KIF13B: variants seen among roughly 807,000 people sequenced by gnomAD.
KIF13B encodes the protein kinesin family member 13B.
In KIF13B, 127 loss-of-function variants were observed where a neutral mutation model predicts 222.0. The ratio of observed to expected loss-of-function variants is 0.57; its 90% CI spans 0.50 to 0.66. The LOEUF is 0.66. Ranked by LOEUF, KIF13B falls within the 30% of genes least tolerant of loss-of-function variation. The probability of loss-of-function intolerance (pLI) is 0.00; values close to 1 mark genes in which losing one functional copy is unlikely to be tolerated. For missense variants in KIF13B, 2,173 were observed against 2,379.0 expected (o/e 0.91, Z 1.80); for synonymous variants, 976 against 919.0 (o/e 1.06, Z -1.12).
intron 10 of KIF13B, 45 bp downstream of exon 10, chr8:29,176,023 C>A (rs762701495): frequency 1.7e-6 from 2 of 1,147,122 alleles, no homozygotes; most frequent in Non-Finnish European, 2.6e-6. Context: ...TTCCTTCTTG[C>A]CAACCACCAA....
chr8:29,087,115 T>C (rs935309307), intron 37 of KIF13B, among the ~76,000 whole-genome samples: 2 of 152,222 alleles, frequency 1.3e-5, no homozygotes, highest in Non-Finnish European at 2.9e-5. Context: ...AGGATGGCCC[T>C]GGCTGCAGGG....
chr8:29,187,598 T>C (rs924810040), intron 5 of KIF13B, among the ~76,000 whole-genome samples: 4 of 152,106 alleles, frequency 2.6e-5, no homozygotes, highest in Admixed American at 1.3e-4. Flanking sequence ...CACAGGAAAA[T>C]AGAAAGAAAA....
chr8:29,084,037 C>T (rs1292159279), intron 37 of KIF13B, among the ~76,000 whole-genome samples: 2 of 152,148 alleles, frequency 1.3e-5, no homozygotes, highest in Admixed American at 6.5e-5. Context: ...GCCTCACCCT[C>T]CCCAGTGGCT....
intron 23 of KIF13B, among the ~76,000 whole-genome samples, chr8:29,132,068 G>GA (rs1810368647): frequency 6.6e-6 from 1 of 152,112 alleles, no homozygotes; most frequent in Non-Finnish European, 1.5e-5. Context: ...CCAATATGGT[G>GA]AAACCTTGTC....
At position 29,109,514 on chromosome 8, in the gene KIF13B, G is replaced by A. The variant is rs762274161; in HGVS notation, c.4084-3C>T. Reference sequence around the variant, plus strand: ...AACTGTTCCTTCACTGCAACTTCCTGTGAATCAGAAAACATACAGAGGAAA... The same window carrying A: ...AACTGTTCCTTCACTGCAACTTCCTATGAATCAGAAAACATACAGAGGAAA... On this transcript the variant is annotated splice_polypyrimidine_tract_variant and splice_region_variant and intron_variant, in intron 33 of 39. Transcript: ENST00000524189. 9.3e-6 allele frequency: 15 copies of A among 1,612,520 alleles called. No homozygotes were observed. Among genetic ancestry groups the A allele is most frequent in the African/African-American group, 1.3e-5 (1 of 75,008 alleles).
At chr8:29,085,484 CT>C (rs1808001207) in intron 37 of KIF13B, among the ~76,000 whole-genome samples, 2 of 103,768 alleles carry the variant, frequency 1.9e-5, no homozygotes, top group South Asian at 2.9e-4. Context: ...CATAAACTTT[CT>C]GTTTTTATTT....
chr8:29,248,277 C>T lies in KIF13B; in HGVS notation c.56-2838G>A, dbSNP rs148690394. 5.6e-3 allele frequency among the ~76,000 whole-genome samples: 857 copies of T among 152,298 alleles called. 9 individuals carry two copies. Among genetic ancestry groups the T allele is most frequent in the African/African-American group, 0.019 (804 of 41,568 alleles). ...ATACTCATAACAGCCAAAAAGTGGA[C>T]ACAACCCAAATGTCCATCAACTGAC... On this transcript the variant is annotated intron_variant, in intron 1 of 39. Transcript: ENST00000524189.
intron 32 of KIF13B, among the ~76,000 whole-genome samples, chr8:29,113,165 C>G (rs1318073764): frequency 6.6e-6 from 1 of 152,234 alleles, no homozygotes; most frequent in Non-Finnish European, 1.5e-5. Flanking sequence ...ACTGGAATCT[C>G]TATGCTACGC....
intron 32 of KIF13B, among the ~76,000 whole-genome samples, chr8:29,112,771 G>A (rs1809417247): frequency 6.6e-6 from 1 of 152,106 alleles, no homozygotes; most frequent in African/African-American, 2.4e-5. Flanking sequence ...CTGGCACCTG[G>A]GTGAATGAAT....
intron 31 of KIF13B, among the ~76,000 whole-genome samples, chr8:29,116,560 GCCCTTGACAGGGTTGTGTGGTA>G (rs1387189450): frequency 6.6e-6 from 1 of 152,188 alleles, no homozygotes; most frequent in Non-Finnish European, 1.5e-5. Flanking sequence ...CACAGACCTT[GCCCTTGACAGGGTTGTGTGGTA>G]CCCAAAAGAA....
chr8:29,201,105 T>G (rs1404200595), intron 2 of KIF13B, among the ~76,000 whole-genome samples: 1 of 152,202 alleles, frequency 6.6e-6, no homozygotes, highest in East Asian at 1.9e-4. Context: ...CACCTGCAAA[T>G]TTTAGCACCC....
rs76582304 is a variant in KIF13B at position 29,097,382 on chromosome 8, T to C, written c.4324+1751A>G. On this transcript the variant is annotated intron_variant, in intron 36 of 39. Coordinates refer to ENST00000524189, the MANE Select transcript of KIF13B (RefSeq NM_015254.4). ...GGTATAAAGGGAAACACATATAATTTTCACAATTATATTTGGATATCTAAT... is the reference window on the plus strand; with the variant it reads ...GGTATAAAGGGAAACACATATAATTCTCACAATTATATTTGGATATCTAAT... 9.5e-3 allele frequency among the ~76,000 whole-genome samples: 1,450 copies of C among 152,280 alleles called. 14 individuals carry two copies. The highest frequency in any genetic ancestry group is 0.024 in the Middle Eastern group (7 of 292).
intron 2 of KIF13B, among the ~76,000 whole-genome samples, chr8:29,242,849 T>C (rs1057333383): frequency 6.6e-6 from 1 of 152,248 alleles, no homozygotes; most frequent in Non-Finnish European, 1.5e-5. Flanking sequence ...GAGATTAATA[T>C]TTTATTCACT....
intron 1 of KIF13B, among the ~76,000 whole-genome samples, chr8:29,261,149 T>C (rs1186633680): frequency 6.6e-6 from 1 of 152,244 alleles, no homozygotes; most frequent in African/African-American, 2.4e-5. Flanking sequence ...GGAGGTACTT[T>C]ACACCAAATA....
At chr8:29,132,525 T>C in intron 22 of KIF13B, 60 bp from the exon 23 acceptor site, 4 of 1,116,316 alleles carry the variant, frequency 3.6e-6, no homozygotes, top group Non-Finnish European at 4.8e-6. Flanking sequence ...TATGATTGTT[T>C]ATACCAGACA....
At chr8:29,218,738 C>T (rs988589735) in intron 2 of KIF13B, among the ~76,000 whole-genome samples, 5 of 152,138 alleles carry the variant, frequency 3.3e-5, no homozygotes, top group East Asian at 1.9e-4. Flanking sequence ...CAAACAAAAA[C>T]GTGGTATACT....
At chr8:29,193,302 A>G (rs1813271315) in intron 3 of KIF13B, among the ~76,000 whole-genome samples, 1 of 152,196 alleles carries the variant, frequency 6.6e-6, no homozygotes, top group Non-Finnish European at 1.5e-5. Context: ...GTGGTGGCTC[A>G]CTAAGCCATT....
intron 3 of KIF13B, among the ~76,000 whole-genome samples, chr8:29,195,739 T>G (rs1370891791): frequency 6.6e-6 from 1 of 152,228 alleles, no homozygotes; most frequent in East Asian, 1.9e-4. Context: ...CACCCCCAGC[T>G]GTCTCGGGAG....
chr8:29,121,685 C>T (rs1286412955), intron 29 of KIF13B, among the ~76,000 whole-genome samples: 2 of 141,566 alleles, frequency 1.4e-5, no homozygotes, highest in African/African-American at 2.6e-5. Flanking sequence ...GCAATGGCAA[C>T]AAAAGCCAAA....
Sources: gnomAD v4.1 joint callset for allele counts (sites outside exome capture counted in the v4.1 genomes callset) on GRCh38, gnomAD v4.1.1 for gene constraint, MANE v1.5 for transcripts, NCBI Gene and HGNC (gene_info 2026-07-23, HGNC 2026-07-21) for gene names.